The following SLCO6A1 variants were observed in gnomAD, a reference collection of about 807,000 sequenced individuals.
SLCO6A1 encodes cancer/testis antigen 48.
Under a neutral mutation model 72.7 loss-of-function variants are expected in SLCO6A1, and 65 were observed. The observed-to-expected ratio is 0.89, with a 90% CI of 0.73 to 1.10. SLCO6A1 has a LOEUF of 1.10. Ranked by LOEUF, SLCO6A1 falls within the 50% of genes least tolerant of loss-of-function variation. SLCO6A1 has a pLI of 0.00. For missense variants in SLCO6A1, 874 were observed against 872.6 expected (o/e 1.00, Z -0.02); for synonymous variants, 314 against 298.2 (o/e 1.05, Z -0.55).
chr5:102,432,229 T>C (rs1749260269), intron 7 of SLCO6A1, among the ~76,000 whole-genome samples: 1 of 152,300 alleles, frequency 6.6e-6, no homozygotes, highest in East Asian at 1.9e-4. Context: ...ATTTAACCCA[T>C]TTACATTCAA....
chr5:102,431,970 C>A (rs1749244069), intron 7 of SLCO6A1, among the ~76,000 whole-genome samples: 1 of 152,144 alleles, frequency 6.6e-6, no homozygotes, highest in African/African-American at 2.4e-5. Context: ...TGAATTGAAC[C>A]TTTCACCATT....
intron 1 of SLCO6A1, among the ~76,000 whole-genome samples, chr5:102,495,168 T>A (rs76659912): frequency 0.017 from 2,605 of 152,290 alleles, 34 homozygotes; most frequent in African/African-American, 0.033. Context: ...GATTCCATGT[T>A]TATTAAATTC....
intron 10 of SLCO6A1, among the ~76,000 whole-genome samples, chr5:102,393,845 C>G (rs1746907090): frequency 6.6e-6 from 1 of 152,112 alleles, no homozygotes; most frequent in South Asian, 2.1e-4. Context: ...TCTAAATGAG[C>G]CTCTTGATGG....
At chr5:102,461,225 A>C (rs946407749) in intron 4 of SLCO6A1, among the ~76,000 whole-genome samples, 45 of 152,126 alleles carry the variant, frequency 3.0e-4, no homozygotes, top group African/African-American at 1.0e-3. Context: ...CAATACTAAC[A>C]AATGTATGAA....
At chr5:102,428,160 T>C (rs919225426) in intron 7 of SLCO6A1, among the ~76,000 whole-genome samples, 1 of 151,704 alleles carries the variant, frequency 6.6e-6, no homozygotes, top group Non-Finnish European at 1.5e-5. Flanking sequence ...TGAACCACCA[T>C]ATCTGGCCAG....
intron 7 of SLCO6A1, among the ~76,000 whole-genome samples, chr5:102,422,977 T>C (rs887803448): frequency 1.3e-5 from 2 of 152,146 alleles, no homozygotes; most frequent in African/African-American, 2.4e-5. Context: ...TATTCAACAT[T>C]CTTAAAGAAA....
At chr5:102,491,699 C>T (rs113618592) in intron 1 of SLCO6A1, among the ~76,000 whole-genome samples, 4,073 of 152,342 alleles carry the variant, frequency 0.027, 65 homozygotes, top group South Asian at 0.045. Flanking sequence ...AAGCGCGGTG[C>T]GCAGCCCCGG....
At chr5:102,410,010 CT>C (rs1354597830) in intron 9 of SLCO6A1, among the ~76,000 whole-genome samples, 1 of 152,056 alleles carries the variant, frequency 6.6e-6, no homozygotes, top group East Asian at 1.9e-4. Context: ...TGGGGTGTCA[CT>C]TTGGAGGCTG....
intron 4 of SLCO6A1, among the ~76,000 whole-genome samples, chr5:102,463,881 C>G (rs907271446): frequency 4.3e-5 from 6 of 137,964 alleles, no homozygotes; most frequent in Non-Finnish European, 7.7e-5. Flanking sequence ...AGTGAAACTC[C>G]GTCTCAAAAA....
chr5:102,378,682 T>C (rs1263918514), intron 12 of SLCO6A1, among the ~76,000 whole-genome samples: 2 of 152,192 alleles, frequency 1.3e-5, no homozygotes, highest in Admixed American at 6.5e-5. Flanking sequence ...TTCATCCATA[T>C]TTTATGTAGT....
intron 12 of SLCO6A1, among the ~76,000 whole-genome samples, chr5:102,375,573 CAG>C (rs1158290336): frequency 6.6e-6 from 1 of 152,040 alleles, no homozygotes; most frequent in African/African-American, 2.4e-5. Flanking sequence ...AATAAAAACT[CAG>C]AGAGTTTCTA....
At chr5:102,407,923 T>C (rs1160844246) in intron 9 of SLCO6A1, among the ~76,000 whole-genome samples, 1 of 152,116 alleles carries the variant, frequency 6.6e-6, no homozygotes, top group Admixed American at 6.6e-5. Flanking sequence ...CTGTGAGACT[T>C]GGAGCAGAGG....
intron 8 of SLCO6A1, 76 bp downstream of exon 8, chr5:102,419,750 T>C: frequency 8.8e-7 from 1 of 1,133,892 alleles, no homozygotes; most frequent in South Asian, 1.5e-5. Flanking sequence ...GGTTACTGGA[T>C]AGATAATTAT....
In SLCO6A1 at chr5:102,414,901, A is replaced by G. The variant is rs774656054; in HGVS notation, c.1473-1758T>C. On this transcript the variant is annotated intron_variant, in intron 8 of 13. Coordinates refer to ENST00000506729, the MANE Select transcript of SLCO6A1 (RefSeq NM_173488.5). ...AAAGAGTGAAACTCCATCTCAAAGTAAGTAAGTAAATAAATAAATAAATAA... is the reference window on the plus strand; with the variant it reads ...AAAGAGTGAAACTCCATCTCAAAGTGAGTAAGTAAATAAATAAATAAATAA... 1.9e-3 allele frequency among the ~76,000 whole-genome samples: 242 copies of G among 124,654 alleles called. 2 individuals carry two copies. The highest frequency in any genetic ancestry group is 3.7e-3 in the Middle Eastern group (1 of 268). 81.8% of individuals were successfully genotyped at this position (124,654 alleles called of 152,430 possible).
At chr5:102,396,189 T>A (rs1386637717) in intron 10 of SLCO6A1, among the ~76,000 whole-genome samples, 1 of 152,104 alleles carries the variant, frequency 6.6e-6, no homozygotes, top group African/African-American at 2.4e-5. Context: ...AACATTTAAG[T>A]GTTTAATCTA....
Position 102,451,746 on chromosome 5 carries a change from T to C in SLCO6A1, c.1131+6636A>G, listed in dbSNP as rs74599019. ...CTCAGTCTTCCCTCTTCTCCATGGG[T>C]CATGTTGCTTCCTTGATGAATCCCA... On this transcript the variant is annotated intron_variant, in intron 6 of 13. Coordinates refer to ENST00000506729, the MANE Select transcript of SLCO6A1 (RefSeq NM_173488.5). Among the ~76,000 whole-genome samples, 122 of 152,288 alleles carry C rather than the reference T, an allele frequency of 8.0e-4. 3 individuals are homozygous for C. The East Asian group carries it at 0.022, about 28-fold the overall frequency.
intron 2 of SLCO6A1, among the ~76,000 whole-genome samples, chr5:102,478,988 T>A (rs1752050236): frequency 6.6e-6 from 1 of 152,184 alleles, no homozygotes; most frequent in African/African-American, 2.4e-5. Context: ...CACCCTGACC[T>A]CTTAGTTCCT....
chr5:102,377,839 T>G (rs1745889335), intron 12 of SLCO6A1, among the ~76,000 whole-genome samples: 1 of 150,914 alleles, frequency 6.6e-6, no homozygotes, highest in Admixed American at 6.6e-5. Context: ...ATCCAGCTAA[T>G]TTTTGCATAT....
intron 8 of SLCO6A1, among the ~76,000 whole-genome samples, chr5:102,416,244 A>G (rs1455876181): frequency 1.3e-5 from 2 of 152,190 alleles, no homozygotes; most frequent in East Asian, 1.9e-4. Flanking sequence ...TATCAAAAAG[A>G]TATCTGTAGT....
Sources: allele counts gnomAD v4.1 joint callset (sites outside exome capture counted in the v4.1 genomes callset), GRCh38; gene constraint gnomAD v4.1.1; transcripts MANE v1.5; gene names NCBI Gene and HGNC (gene_info 2026-07-23, HGNC 2026-07-21).